PGAP4: variants seen among roughly 807,000 people sequenced by gnomAD.
PGAP4 encodes post-GPI attachment to proteins GalNAc transferase 4, also known as GPI-N-acetylgalactosamine transferase PGAP4.
A neutral mutation model predicts 28.2 loss-of-function variants in PGAP4; 12 were observed. The ratio of observed to expected loss-of-function variants is 0.42; its 90% CI spans 0.27 to 0.69. The LOEUF (loss-of-function observed/expected upper bound fraction) is 0.69, where lower values mean the gene tolerates loss of function less well. PGAP4 is among the 30% of genes least tolerant of loss of function. PGAP4 has a pLI of 0.22. For synonymous variants in PGAP4, 205 were observed against 211.8 expected (o/e 0.97, Z 0.28); for missense variants, 425 against 513.5 (o/e 0.83, Z 1.67).
chr9:101,515,762 T>C (rs1338119630), intron 2 of PGAP4, among the ~76,000 whole-genome samples: 3 of 152,184 alleles, frequency 2.0e-5, no homozygotes, highest in Non-Finnish European at 4.4e-5. Context: ...AATTAACAAA[T>C]TTCTTTGTGA....
chr9:101,497,495 G>A (rs1290334843), intron 2 of PGAP4, among the ~76,000 whole-genome samples: 2 of 151,392 alleles, frequency 1.3e-5, no homozygotes, highest in East Asian at 3.9e-4. Flanking sequence ...AGGTCATTTT[G>A]TTTTAGGCTG....
chr9:101,497,647 A>G (rs533162310), intron 2 of PGAP4, among the ~76,000 whole-genome samples: 2 of 151,790 alleles, frequency 1.3e-5, no homozygotes, highest in South Asian at 4.1e-4. Flanking sequence ...TATGTTGACA[A>G]TTTTGAAGAC....
chr9:101,477,214 A>ACAAACAAG, intron 1 of PGAP4, 45 bp from the exon 2 acceptor site: 1 of 1,296,990 alleles, frequency 7.7e-7, no homozygotes, highest in Admixed American at 3.3e-5. Context: ...ACTTAAAAAA[A>ACAAACAAG]CAAACAAACA....
chr9:101,528,892 G>T (rs553670656), intron 2 of PGAP4, among the ~76,000 whole-genome samples: 24 of 151,252 alleles, frequency 1.6e-4, no homozygotes, highest in African/African-American at 5.8e-4. Context: ...TGATCATCCA[G>T]ATATTAAGCC....
intron 2 of PGAP4, among the ~76,000 whole-genome samples, chr9:101,513,815 C>G (rs1340328024): frequency 6.6e-6 from 1 of 152,006 alleles, no homozygotes; most frequent in African/African-American, 2.4e-5. Context: ...GTGGCTCATT[C>G]CAAGTCCAAA....
chr9:101,512,693 A>G (rs77157342), intron 2 of PGAP4, among the ~76,000 whole-genome samples: 5,907 of 152,302 alleles, frequency 0.039, 165 homozygotes, highest in Admixed American at 0.077. Flanking sequence ...TAACAACAAC[A>G]ACAACAATAA....
chr9:101,529,153 C>CTT (rs36069212), intron 2 of PGAP4, among the ~76,000 whole-genome samples: 6 of 130,514 alleles, frequency 4.6e-5, no homozygotes, highest in Non-Finnish European at 3.3e-5. Context: ...TGTCTCTCGG[C>CTT]TTTTTTTTTT....
In PGAP4 at chr9:101,474,044, T is replaced by A. The variant is rs1416963454; in HGVS notation, c.*1837A>T. On this transcript the variant is annotated 3_prime_UTR_variant, in exon 2 of 2. Transcript: ENST00000374848. Reference sequence around the variant, plus strand: ...TCTGCCATCTTAGCTTACAGAGACATGATCTAGTTCAGCTTATACTCAGAT... The same window carrying A: ...TCTGCCATCTTAGCTTACAGAGACAAGATCTAGTTCAGCTTATACTCAGAT... 2 of 152,212 alleles carry A rather than the reference T, an allele frequency of 1.3e-5. No individual in the cohort carries two copies. Among genetic ancestry groups the A allele is most frequent in the South Asian group, 2.1e-4 (1 of 4,836 alleles). 9.4% of individuals were successfully genotyped at this position (152,212 alleles called of 1,614,324 possible).
At position 101,476,746 on chromosome 9, in the gene PGAP4, T is replaced by C. The variant is rs763973060; in HGVS notation, c.347A>G (p.His116Arg). Residue 116 changes from histidine (H) to arginine (R), a missense_variant, in exon 2 of 2, where the codon CAC (histidine) becomes CGC (arginine). By Grantham distance (29) the His-to-Arg change is conservative (BLOSUM62 0). Coordinates refer to ENST00000374848, the MANE Select transcript of PGAP4 (RefSeq NM_032342.3). This position sits in a 1 kb window ranked among gnomAD's most constrained non-coding sequence, Gnocchi z 7.0. ...CTGGGACACAACCTGCAGGACGTAG[T>C]GGAAGCCAGGCTGCCTGTCCACAGT... ...IITVDRQPGF[H>R]YVLQVVSQFH... 48 of 1,613,664 alleles carry C rather than the reference T, an allele frequency of 3.0e-5. No homozygotes were observed. The highest frequency in any genetic ancestry group is 3.8e-5 in the Non-Finnish European group (45 of 1,179,806).
intron 1 of PGAP4, among the ~76,000 whole-genome samples, chr9:101,531,904 C>G (rs1037200539): frequency 6.6e-6 from 1 of 152,134 alleles, no homozygotes; most frequent in African/African-American, 2.4e-5. Context: ...GCTAAGGAAC[C>G]AGTAAAGATT....
intron 2 of PGAP4, chr9:101,501,649 A>G (rs1588206290): frequency 4.0e-6 from 2 of 505,232 alleles, no homozygotes; most frequent in East Asian, 1.1e-4. Flanking sequence ...TCATTTAGAA[A>G]TCTGGACCTT....
chr9:101,514,074 A>C lies in PGAP4; in HGVS notation c.-165+17274T>G, dbSNP rs528913402. 7.0e-4 allele frequency among the ~76,000 whole-genome samples: 106 copies of C among 151,850 alleles called. No individual in the cohort carries two copies. In the South Asian group the frequency reaches 0.018, roughly 25 times the overall value. ...ATGGTGCCTGCCCACATTGAAGGTG[A>C]ATCTTCCCCACTCAGTCCACTGATT... is the stretch of plus-strand genomic sequence containing the variant. On this transcript the variant is annotated intron_variant, in intron 2 of 3. Transcript: ENST00000374851.
At chr9:101,492,630 G>A (rs1826701148) in intron 2 of PGAP4, among the ~76,000 whole-genome samples, 1 of 151,924 alleles carries the variant, frequency 6.6e-6, no homozygotes, top group African/African-American at 2.4e-5. Context: ...AGTTTGACTT[G>A]CCTGGTCTCA....
chr9:101,520,535 T>C (rs1163712814), intron 2 of PGAP4, among the ~76,000 whole-genome samples: 1 of 152,226 alleles, frequency 6.6e-6, no homozygotes, highest in African/African-American at 2.4e-5. Context: ...TGTTGGTGTA[T>C]AGAAGAGCTA....
At chr9:101,503,270 G>A (rs985517620) in intron 2 of PGAP4, among the ~76,000 whole-genome samples, 1 of 151,948 alleles carries the variant, frequency 6.6e-6, no homozygotes, top group Admixed American at 6.6e-5. Context: ...AATGAAGGAA[G>A]TCTCAGATCC....
chr9:101,502,692 G>A (rs1826814284), intron 2 of PGAP4, among the ~76,000 whole-genome samples: 1 of 152,032 alleles, frequency 6.6e-6, no homozygotes, highest in South Asian at 2.1e-4. Context: ...AGCTTGGGAT[G>A]TCCCTTGCTC....
In PGAP4 at chr9:101,474,799, A is replaced by C. The variant is rs1826247823; in HGVS notation, c.*1082T>G. 6.6e-6 allele frequency: 1 copy of C among 152,200 alleles called. No individual in the cohort carries two copies. The highest frequency in any genetic ancestry group is 6.5e-5 in the Admixed American group (1 of 15,282). The allele number at this position is 152,200 out of a possible 1,614,324, so 9.4% of individuals were successfully genotyped here. A position where few individuals can be genotyped will look rare whatever the true frequency, so the allele number is the denominator to read the frequency against. On this transcript the variant is annotated 3_prime_UTR_variant, in exon 2 of 2. Coordinates refer to ENST00000374848, the MANE Select transcript of PGAP4 (RefSeq NM_032342.3). ...GTCTTCTATGGACTAAGCACTTGCTAGGTGTTTTACATATATTCTGCCATT... is the reference window on the plus strand; with the variant it reads ...GTCTTCTATGGACTAAGCACTTGCTCGGTGTTTTACATATATTCTGCCATT...
At chr9:101,526,858 A>G (rs1827039603) in intron 2 of PGAP4, among the ~76,000 whole-genome samples, 1 of 152,196 alleles carries the variant, frequency 6.6e-6, no homozygotes. Context: ...AAGCATAATG[A>G]CTTATTCCAT....
chr9:101,525,366 G>A (rs573301443), intron 2 of PGAP4, among the ~76,000 whole-genome samples: 9 of 152,166 alleles, frequency 5.9e-5, no homozygotes, highest in Admixed American at 2.6e-4. Context: ...ATTTGTGTAC[G>A]TCTAAAATTG....
Sources: gnomAD v4.1 joint callset for allele counts (sites outside exome capture counted in the v4.1 genomes callset) on GRCh38, gnomAD v4.1.1 for gene constraint, Gnocchi (gnomAD v3.1) non-coding constraint, MANE v1.5 for transcripts, NCBI Gene and HGNC (gene_info 2026-07-23, HGNC 2026-07-21) for gene names.